The following TMEM236 variants were observed in gnomAD, a reference collection of about 807,000 sequenced individuals.
TMEM236 encodes family with sequence similarity 23, member A.
TMEM236 carries 11 observed loss-of-function variants against 14.7 expected under a neutral mutation model. The observed-to-expected ratio is 0.75, with a 90% CI of 0.47 to 1.24. The LOEUF (loss-of-function observed/expected upper bound fraction) is 1.24, where lower values mean the gene tolerates loss of function less well. Ranked by LOEUF, TMEM236 falls within the 50% of genes most tolerant of loss-of-function variation. The pLI is 0.00. For missense variants in TMEM236, 464 were observed against 427.3 expected, an observed-to-expected ratio of 1.09 and a Z score of -0.76; for synonymous variants, 182 against 168.6, an observed-to-expected ratio of 1.08 and a Z score of -0.62.
chr10:17,768,835 G>A (rs1242091567), intron 1 of TMEM236, among the ~76,000 whole-genome samples: 2 of 151,892 alleles, frequency 1.3e-5, no homozygotes, highest in Non-Finnish European at 2.9e-5. Flanking sequence ...ACAGCATGTA[G>A]ACTAGGGTAA....
At chr10:17,767,527 T>C (rs1380311806) in intron 1 of TMEM236, among the ~76,000 whole-genome samples, 1 of 152,162 alleles carries the variant, frequency 6.6e-6, no homozygotes, top group African/African-American at 2.4e-5. Flanking sequence ...TTAACATAAC[T>C]TCTGGTTAAA....
At position 17,796,473 on chromosome 10, in the gene TMEM236, T is replaced by C; in HGVS notation, c.1025T>C (p.Ile342Thr). ...IYFNYLTRIRIFSAFEMSPF is the reference protein window; with the variant it reads ...IYFNYLTRIRTFSAFEMSPF ...TTCAATTACCTAACCAGAATCAGGA[T>C]TTTTTCTGCCTTTGAAATGTCTCCA... The change falls in exon 4 of 4, where the codon ATT (isoleucine) becomes ACT (threonine). Residue 342 changes from isoleucine to threonine, a missense_variant. Transcript: ENST00000377495. The C allele has an allele frequency of 1.2e-6, 2 of 1,613,586 alleles. No homozygotes were observed. Among genetic ancestry groups the C allele is most frequent in the East Asian group, 2.2e-5 (1 of 44,858 alleles).
intron 3 of TMEM236, among the ~76,000 whole-genome samples, chr10:17,794,158 A>G (rs1373137024): frequency 1.3e-5 from 2 of 152,198 alleles, no homozygotes; most frequent in African/African-American, 4.8e-5. Context: ...TCCTACTTAC[A>G]GTAGGTAAGC....
At chr10:17,767,940 C>T (rs1206838741) in intron 1 of TMEM236, among the ~76,000 whole-genome samples, 6 of 146,964 alleles carry the variant, frequency 4.1e-5, no homozygotes, top group South Asian at 2.2e-4. Context: ...GACAGTGTCT[C>T]GCTCTGTCAC....
chr10:17,770,975 T>C (rs1326833909), intron 1 of TMEM236, among the ~76,000 whole-genome samples: 1 of 152,238 alleles, frequency 6.6e-6, no homozygotes, highest in Non-Finnish European at 1.5e-5. Flanking sequence ...ATTTATTCAG[T>C]TGGTCACTAC....
In TMEM236 at chr10:17,796,735, A is replaced by T; in HGVS notation, c.*231A>T. 1 of 548,324 alleles carries T rather than the reference A, an allele frequency of 1.8e-6. No individual in the cohort carries two copies. Among genetic ancestry groups the T allele is most frequent in the East Asian group, 3.2e-5 (1 of 30,858 alleles). 34.0% of individuals were successfully genotyped at this position (548,324 alleles called of 1,614,324 possible). ...AAGTTGGCTCTCAGGTATTTCTAGA[A>T]AATGTTAGCAGCTAATTTTAGTTAG... On this transcript the variant is annotated 3_prime_UTR_variant, in exon 4 of 4. Transcript: ENST00000377495.
chr10:17,759,936 T>TTGC (rs1837332005), intron 1 of TMEM236, among the ~76,000 whole-genome samples: 1 of 127,906 alleles, frequency 7.8e-6, no homozygotes, highest in African/African-American at 3.1e-5. Context: ...TGAGCCGAGA[T>TTGC]AGCGCCGCTG....
intron 3 of TMEM236, among the ~76,000 whole-genome samples, chr10:17,790,403 G>A (rs1005316990): frequency 4.0e-5 from 6 of 151,656 alleles, no homozygotes; most frequent in South Asian, 2.1e-4. Flanking sequence ...TTGAGACAGG[G>A]AATAAACGAA....
At chr10:17,785,577 C>CT (rs564814740) in intron 3 of TMEM236, among the ~76,000 whole-genome samples, 80 of 147,374 alleles carry the variant, frequency 5.4e-4, no homozygotes, top group African/African-American at 1.2e-3. Flanking sequence ...AAGGATGTAG[C>CT]TTTTTTTTTT....
At chr10:17,781,000 A>G (rs1262978070) in intron 3 of TMEM236, among the ~76,000 whole-genome samples, 1 of 152,260 alleles carries the variant, frequency 6.6e-6, no homozygotes, top group East Asian at 1.9e-4. Flanking sequence ...TTATTATGCA[A>G]ATGGACTTTC....
chr10:17,779,076 C>T (rs1047762546), intron 3 of TMEM236, among the ~76,000 whole-genome samples: 2 of 152,134 alleles, frequency 1.3e-5, no homozygotes, highest in African/African-American at 4.8e-5. Flanking sequence ...TCCCCAGTCC[C>T]GTGCAGAAAT....
At chr10:17,779,477 A>T (rs1837713358) in intron 3 of TMEM236, among the ~76,000 whole-genome samples, 1 of 151,814 alleles carries the variant, frequency 6.6e-6, no homozygotes, top group South Asian at 2.1e-4. Flanking sequence ...CCATTTAATT[A>T]ATTAGTTAAT....
intron 2 of TMEM236, among the ~76,000 whole-genome samples, chr10:17,775,219 C>T (rs1261269715): frequency 4.6e-5 from 7 of 152,150 alleles, no homozygotes; most frequent in African/African-American, 1.7e-4. Context: ...GGAAAACTTT[C>T]AATATTTCAT....
chr10:17,768,093 T>TTTGTTTG (rs1554834481), intron 1 of TMEM236, among the ~76,000 whole-genome samples: 2 of 131,582 alleles, frequency 1.5e-5, no homozygotes, highest in African/African-American at 5.7e-5. Flanking sequence ...GTGGTTTTTT[T>TTTGTTTG]TTTTTTTTTT....
intron 1 of TMEM236, among the ~76,000 whole-genome samples, chr10:17,759,232 C>T (rs934881792): frequency 2.6e-5 from 4 of 152,270 alleles, no homozygotes; most frequent in Non-Finnish European, 5.9e-5. Context: ...CCTGGAATAT[C>T]AGTAGATGTG....
intron 3 of TMEM236, among the ~76,000 whole-genome samples, chr10:17,778,670 T>A (rs1203666555): frequency 6.6e-6 from 1 of 152,236 alleles, no homozygotes; most frequent in Non-Finnish European, 1.5e-5. Context: ...TGCATACATG[T>A]CTGTCAGCTA....
At chr10:17,761,659 A>G (rs1242700937) in intron 1 of TMEM236, among the ~76,000 whole-genome samples, 2 of 144,418 alleles carry the variant, frequency 1.4e-5, no homozygotes, top group Non-Finnish European at 3.0e-5. Flanking sequence ...GTGCCACTGC[A>G]CTCCAGCCTG....
intron 3 of TMEM236, among the ~76,000 whole-genome samples, chr10:17,789,342 TCTTA>T (rs1244413540): frequency 3.3e-5 from 5 of 152,360 alleles, no homozygotes; most frequent in South Asian, 2.1e-4. Context: ...TTATAGTCAC[TCTTA>T]CTATTTACTG....
At chr10:17,756,476 A>C (rs1837286042) in intron 1 of TMEM236, among the ~76,000 whole-genome samples, 2 of 151,972 alleles carry the variant, frequency 1.3e-5, no homozygotes, top group African/African-American at 4.8e-5. Context: ...TTGTATTTTT[A>C]GTAGAGATGG....
Sources: allele counts gnomAD v4.1 joint callset (sites outside exome capture counted in the v4.1 genomes callset), GRCh38; gene constraint gnomAD v4.1.1; transcripts MANE v1.5; gene names NCBI Gene and HGNC (gene_info 2026-07-23, HGNC 2026-07-21).